Variants in SOCS2 observed in about 807,000 individuals in gnomAD.
SOCS2 encodes CIS-2.
In SOCS2, 10 loss-of-function variants were observed where a neutral mutation model predicts 18.6. The ratio of observed to expected loss-of-function variants is 0.54; its 90% CI spans 0.33 to 0.91. The LOEUF (loss-of-function observed/expected upper bound fraction) is 0.91. Ranked by LOEUF, SOCS2 falls within the 40% of genes least tolerant of loss-of-function variation. SOCS2 has a pLI of 0.02. For synonymous variants in SOCS2, 104 were observed against 104.0 expected (o/e 1.00, Z 0.00); for missense variants, 231 against 247.2 (o/e 0.93, Z 0.44).
At chr12:93,612,118 G>A in the SOCS2 span, among the ~76,000 whole-genome samples, 1 of 152,064 alleles carries the variant, frequency 6.6e-6, no homozygotes, top group African/African-American at 2.4e-5. Context: ...TACTTCATGG[G>A]GTTGGAAGCA....
intron 1 of SOCS2, chr12:93,573,929 G>GT (rs2136695638): frequency 6.6e-6 from 1 of 152,392 alleles, no homozygotes; most frequent in Non-Finnish European, 1.5e-5. Context: ...AGAAAGCAGA[G>GT]TGGGCCGGGG....
chr12:93,574,599 C>A, intron 1 of SOCS2, 123 bp from the exon 2 acceptor site: 1 of 628,228 alleles, frequency 1.6e-6, no homozygotes, highest in Non-Finnish European at 2.5e-6. Flanking sequence ...GCTCACACAC[C>A]ACCTTTTTTT....
chr12:93,589,617 T>C, the SOCS2 span, among the ~76,000 whole-genome samples: 2 of 152,226 alleles, frequency 1.3e-5, no homozygotes, highest in Admixed American at 6.5e-5. Context: ...GTCAGTATTG[T>C]TGCCCATGTT....
upstream of SOCS2, chr12:93,570,543 G>A (rs1025349477): frequency 3.9e-5 from 6 of 152,792 alleles, no homozygotes; most frequent in Admixed American, 6.5e-5. Context: ...CCCCGCAAAA[G>A]TGCGGCCAGG....
chr12:93,577,534 T>TCC (rs369426541), downstream of SOCS2, among the ~76,000 whole-genome samples: 7 of 149,366 alleles, frequency 4.7e-5, no homozygotes, highest in Non-Finnish European at 4.5e-5. Flanking sequence ...TTTTTTTTTT[T>TCC]CCCCCGGGAG....
At chr12:93,618,857 G>T in the SOCS2 span, among the ~76,000 whole-genome samples, 1 of 152,158 alleles carries the variant, frequency 6.6e-6, no homozygotes, top group African/African-American at 2.4e-5. Context: ...TATCAGTCAG[G>T]GTACCAGCAA....
At chr12:93,614,540 C>CTTCTTTCTTTCT in the SOCS2 span, among the ~76,000 whole-genome samples, 14 of 37,138 alleles carry the variant, frequency 3.8e-4, 1 homozygote, top group Middle Eastern at 0.012. Flanking sequence ...TCCTTCCTTC[C>CTTCTTTCTTTCT]TTCTTTCTTT....
At chr12:93,581,275 T>C (rs1231516406), downstream of SOCS2, among the ~76,000 whole-genome samples, 1 of 152,228 alleles carries the variant, frequency 6.6e-6, no homozygotes, top group Admixed American at 6.5e-5. Flanking sequence ...ATAGCTGATT[T>C]AACAACATAG....
At chr12:93,578,868 A>G (rs1954500795), downstream of SOCS2, among the ~76,000 whole-genome samples, 1 of 152,200 alleles carries the variant, frequency 6.6e-6, no homozygotes, top group African/African-American at 2.4e-5. Context: ...TTCTCTTAAC[A>G]TCATATATTT....
chr12:93,614,635 T>C, the SOCS2 span, among the ~76,000 whole-genome samples: 1,841 of 111,662 alleles, frequency 0.016, 129 homozygotes, highest in African/African-American at 0.057. Flanking sequence ...TTCTTTCTTT[T>C]GATGGAGTCT....
At chr12:93,623,079 C>T in the SOCS2 span, among the ~76,000 whole-genome samples, 1 of 152,108 alleles carries the variant, frequency 6.6e-6, no homozygotes, top group Admixed American at 6.6e-5. Context: ...GCTCTTTGTC[C>T]CCACCCAAGT....
chr12:93,609,726 G>C, the SOCS2 span, among the ~76,000 whole-genome samples: 2 of 152,086 alleles, frequency 1.3e-5, no homozygotes, highest in African/African-American at 4.8e-5. Context: ...CTGTTCCCTA[G>C]GGATCTGTGG....
downstream of SOCS2, among the ~76,000 whole-genome samples, chr12:93,587,332 T>C (rs941006062): frequency 4.6e-5 from 7 of 152,114 alleles, no homozygotes; most frequent in Non-Finnish European, 7.4e-5. Context: ...CTGGATCTGT[T>C]TGAAGGAGTC....
rs564345645 is a variant in SOCS2, at chr12:93,572,947, G to C, written c.50G>C (p.Arg17Pro). Residue 17 changes from arginine (R) to proline (P), a missense_variant, in exon 1 of 2, where the codon CGG (arginine) becomes CCG (proline). By Grantham distance (103) the Arg-to-Pro change is moderately radical. Coordinates refer to ENST00000551556, the MANE Select transcript of SOCS2 (RefSeq NM_001270471.2). This position sits in a 1 kb window ranked among gnomAD's most constrained non-coding sequence, Gnocchi z 5.0. ...TCCGGGAATGGCGGGGAAGGGACGC[G>C]GAGCCAGTGGGGGACCGCGGGGTCG... ...EPSGNGGEGT[R>P]SQWGTAGSAE... 11 of 1,569,624 alleles carry C rather than the reference G, an allele frequency of 7.0e-6. No individual in the cohort carries two copies. In the Admixed American group the frequency reaches 7.4e-5, roughly 11 times the overall value.
the SOCS2 span, among the ~76,000 whole-genome samples, chr12:93,612,881 C>T: frequency 0.06 from 9,202 of 152,284 alleles, 528 homozygotes; most frequent in African/African-American, 0.15. Context: ...TATTTTACTC[C>T]TCTTCATTTC....
chr12:93,573,189 G>A, intron 1 of SOCS2, 153 bp downstream of exon 1: 3 of 1,010,316 alleles, frequency 3.0e-6, no homozygotes, highest in Non-Finnish European at 4.3e-6. Flanking sequence ...AGGGTCCTGG[G>A]TCCTTGGGAA....
At chr12:93,602,206 C>T in the SOCS2 span, among the ~76,000 whole-genome samples, 4 of 152,182 alleles carry the variant, frequency 2.6e-5, no homozygotes, top group Admixed American at 1.3e-4. Context: ...AATCCTTCTG[C>T]CTCAGCTTAT....
chr12:93,574,615 CT>C (rs2136698583), intron 1 of SOCS2, 106 bp from the exon 2 acceptor site: 2 of 590,056 alleles, frequency 3.4e-6, no homozygotes, highest in East Asian at 3.5e-5. Flanking sequence ...TTTTTTTTTT[CT>C]TTTTTAGAGC....
chr12:93,603,085 A>G, the SOCS2 span, among the ~76,000 whole-genome samples: 3 of 152,334 alleles, frequency 2.0e-5, no homozygotes, highest in Admixed American at 2.0e-4. Context: ...ACCAAGTCGT[A>G]GCTGTTCCCC....
Sources: allele counts gnomAD v4.1 joint callset (sites outside exome capture counted in the v4.1 genomes callset), GRCh38; gene constraint gnomAD v4.1.1; non-coding constraint Gnocchi (gnomAD v3.1); transcripts MANE v1.5; gene names NCBI Gene and HGNC (gene_info 2026-07-23, HGNC 2026-07-21).